STOX2: variants seen among roughly 807,000 people sequenced by gnomAD.
The protein encoded by STOX2 is storkhead-box protein 2.
A neutral mutation model predicts 60.9 loss-of-function variants in STOX2; 28 were observed. The observed-to-expected ratio is 0.46, with a 90% CI of 0.34 to 0.63. The LOEUF (loss-of-function observed/expected upper bound fraction) is 0.63. Ranked by LOEUF, STOX2 falls within the 30% of genes least tolerant of loss-of-function variation. STOX2 has a pLI of 0.01. For synonymous variants in STOX2, 472 were observed against 463.9 expected (o/e 1.02, Z -0.22); for missense variants, 1,024 against 1,187.7 (o/e 0.86, Z 2.03).
chr4:183,821,746 C>T lies in STOX2; in HGVS notation c.364+23691C>T, dbSNP rs551815595. ...CTAGAGGGGAGGGGAGGGGTCCCTGCTGCTCCAGCAGCCTCCCCCTCCACA... is the reference window on the plus strand; with the variant it reads ...CTAGAGGGGAGGGGAGGGGTCCCTGTTGCTCCAGCAGCCTCCCCCTCCACA... On this transcript the variant is annotated intron_variant, in intron 1 of 2. Coordinates refer to the STOX2 transcript ENST00000513034. This position sits in a 1 kb window ranked among gnomAD's most constrained non-coding sequence, Gnocchi z 4.2. Among the ~76,000 whole-genome samples, 7 of 152,312 alleles carry T rather than the reference C, an allele frequency of 4.6e-5. No individual in the cohort carries two copies. The highest frequency in any genetic ancestry group is 6.5e-5 in the Admixed American group (1 of 15,308).
chr4:183,914,053 A>G (rs1741860743), intron 1 of STOX2, among the ~76,000 whole-genome samples: 1 of 152,348 alleles, frequency 6.6e-6, no homozygotes, highest in East Asian at 1.9e-4. Flanking sequence ...AAAATATTCA[A>G]CTAGGTACTA....
At chr4:183,844,291 T>C (rs1379623800) in intron 1 of STOX2, among the ~76,000 whole-genome samples, 1 of 152,144 alleles carries the variant, frequency 6.6e-6, no homozygotes, top group Non-Finnish European at 1.5e-5. Flanking sequence ...ACAATTGTTT[T>C]CCTAGAAAAA....
chr4:183,925,191 A>G (rs539299606), intron 1 of STOX2, among the ~76,000 whole-genome samples: 45 of 152,328 alleles, frequency 3.0e-4, no homozygotes, highest in African/African-American at 9.6e-4. Context: ...GAGGTTTGGT[A>G]TATGAGAAGG....
intron 1 of STOX2, among the ~76,000 whole-genome samples, chr4:183,912,922 A>C (rs940246013): frequency 6.6e-6 from 1 of 152,218 alleles, no homozygotes; most frequent in Admixed American, 6.5e-5. Context: ...TTTTGAAAAG[A>C]TCTCCCATTG....
intron 1 of STOX2, among the ~76,000 whole-genome samples, chr4:183,956,346 C>A (rs1189742950): frequency 6.6e-6 from 1 of 151,240 alleles, no homozygotes; most frequent in Non-Finnish European, 1.5e-5. Context: ...TAATTGTTAA[C>A]ATTTTGCTGC....
intron 1 of STOX2, among the ~76,000 whole-genome samples, chr4:183,913,798 AAAAC>A (rs1741855075): frequency 6.6e-6 from 1 of 152,088 alleles, no homozygotes; most frequent in Non-Finnish European, 1.5e-5. Flanking sequence ...GGTCGAGAAC[AAAAC>A]AAACAAAAAA....
intron 3 of STOX2, among the ~76,000 whole-genome samples, chr4:184,013,655 T>C (rs1359447500): frequency 1.3e-5 from 2 of 152,264 alleles, no homozygotes; most frequent in Non-Finnish European, 2.9e-5. Context: ...CTGAGTTGTC[T>C]CGCTGATCCA....
chr4:183,981,525 G>A (rs1388216036), intron 1 of STOX2, among the ~76,000 whole-genome samples: 1 of 151,966 alleles, frequency 6.6e-6, no homozygotes, highest in Non-Finnish European at 1.5e-5. Flanking sequence ...ATGGAGAAGG[G>A]CAACACTTCG....
At chr4:183,929,718 T>C (rs1232136268) in intron 1 of STOX2, among the ~76,000 whole-genome samples, 1 of 152,242 alleles carries the variant, frequency 6.6e-6, no homozygotes, top group African/African-American at 2.4e-5. Flanking sequence ...CAGTATTGTA[T>C]GCTGAAGGGC....
chr4:183,993,198 G>A (rs529847342), intron 1 of STOX2, among the ~76,000 whole-genome samples: 1 of 152,314 alleles, frequency 6.6e-6, no homozygotes, highest in South Asian at 2.1e-4. Flanking sequence ...TCTGTGATAA[G>A]CTTTTACCTG....
chr4:183,815,929 T>C (rs1378615005), intron 1 of STOX2, among the ~76,000 whole-genome samples: 2 of 152,260 alleles, frequency 1.3e-5, no homozygotes, highest in Admixed American at 6.5e-5. Context: ...TTATTGATAC[T>C]ATTGACATGA....
intron 1 of STOX2, among the ~76,000 whole-genome samples, chr4:183,819,044 G>C (rs928974075): frequency 5.6e-4 from 84 of 151,170 alleles, no homozygotes; most frequent in African/African-American, 1.8e-3. Context: ...GGGCAGAGAC[G>C]CTCCTCACTT....
In STOX2 at chr4:183,892,537, C is replaced by T. The variant is rs574537407; in HGVS notation, c.364+94482C>T. ...CCTTGTCATCCGCCCGCCTCGGCTT[C>T]CCAAAGTGCTGGGATTACAGGCGTG... On this transcript the variant is annotated intron_variant, in intron 1 of 2. Coordinates refer to the STOX2 transcript ENST00000513034. Among the ~76,000 whole-genome samples the T allele has an allele frequency of 1.1e-4, 16 of 152,338 alleles. No individual in the cohort carries two copies. In the South Asian group the frequency reaches 1.9e-3, roughly 18 times the overall value.
chr4:183,898,808 G>A (rs923723598), intron 1 of STOX2, among the ~76,000 whole-genome samples: 1 of 152,206 alleles, frequency 6.6e-6, no homozygotes, highest in Admixed American at 6.5e-5. Flanking sequence ...AACGTCCTGA[G>A]TGGATTTGGC....
intron 1 of STOX2, among the ~76,000 whole-genome samples, chr4:183,874,307 T>G (rs1021896132): frequency 1.3e-5 from 2 of 152,196 alleles, no homozygotes; most frequent in Non-Finnish European, 2.9e-5. Flanking sequence ...GCCATTTTTC[T>G]TTGGTTGTGC....
Position 183,974,572 on chromosome 4 carries a change from A to G in STOX2, c.167-26753A>G, listed in dbSNP as rs1285211595. On this transcript the variant is annotated intron_variant, in intron 1 of 3. Coordinates refer to ENST00000308497, the MANE Select transcript of STOX2 (RefSeq NM_020225.3). ...GCTGGAGGGGCCATATTAATATCAG[A>G]AATAGTAGACTGTAGAGCAAGAAAA... 3.3e-5 allele frequency among the ~76,000 whole-genome samples: 5 copies of G among 152,198 alleles called. No individual in the cohort carries two copies. The South Asian group carries it at 1.0e-3, about 31-fold the overall frequency.
rs116455251 is a variant in STOX2, at chr4:183,884,418, G to A, written c.364+86363G>A. On this transcript the variant is annotated intron_variant, in intron 1 of 2. Transcript: ENST00000513034. ...TTTGGGAGGCTGAGGCGGATGGATC[G>A]CTTGAGCTCAGGAGTTCGTGACCAG... Among the ~76,000 whole-genome samples, 1,150 of 152,034 alleles carry A rather than the reference G, an allele frequency of 7.6e-3. 12 individuals carry two copies. The highest frequency in any genetic ancestry group is 0.027 in the African/African-American group (1,116 of 41,450).
intron 1 of STOX2, among the ~76,000 whole-genome samples, chr4:183,863,859 T>G (rs1422621197): frequency 6.6e-6 from 1 of 152,228 alleles, no homozygotes; most frequent in Non-Finnish European, 1.5e-5. Flanking sequence ...GTATCTGAAC[T>G]TGGAGGAAAT....
At chr4:183,867,875 A>G (rs571962148) in intron 1 of STOX2, among the ~76,000 whole-genome samples, 1 of 152,270 alleles carries the variant, frequency 6.6e-6, no homozygotes, top group Non-Finnish European at 1.5e-5. Context: ...GCCAAGAGCT[A>G]GAATAGAGCA....
Sources: allele counts gnomAD v4.1 joint callset (sites outside exome capture counted in the v4.1 genomes callset), GRCh38; gene constraint gnomAD v4.1.1; non-coding constraint Gnocchi (gnomAD v3.1); transcripts MANE v1.5; gene names NCBI Gene and HGNC (gene_info 2026-07-23, HGNC 2026-07-21).